HMG20A: variants seen among roughly 807,000 people sequenced by gnomAD.
HMG20A encodes the protein high mobility group protein 20A.
Under a neutral mutation model 43.9 loss-of-function variants are expected in HMG20A, and 17 were observed. That is an observed-to-expected ratio of 0.39 (90% CI 0.27 to 0.58). The LOEUF (loss-of-function observed/expected upper bound fraction) is 0.58. Among genes scored for constraint, HMG20A ranks in the 20% least tolerant of loss-of-function variants. The pLI, the probability that HMG20A is intolerant of heterozygous loss-of-function variation, is 0.59. For synonymous variants in HMG20A, 132 were observed against 147.5 expected (o/e 0.89, Z 0.76); for missense variants, 341 against 438.2 (o/e 0.78, Z 1.98).
intron 1 of HMG20A, among the ~76,000 whole-genome samples, chr15:77,445,254 C>G (rs2142301840): frequency 6.6e-6 from 1 of 152,262 alleles, no homozygotes; most frequent in African/African-American, 2.4e-5. Context: ...CTCACAGCTG[C>G]AGGTTTGAGC....
chr15:77,486,973 G>A (rs1463324091), downstream of HMG20A, among the ~76,000 whole-genome samples: 1 of 152,188 alleles, frequency 6.6e-6, no homozygotes, highest in Non-Finnish European at 1.5e-5. Flanking sequence ...CCAAAGTTGG[G>A]CAGTTAAAGG....
chr15:77,448,819 C>T (rs2073703870), intron 1 of HMG20A, among the ~76,000 whole-genome samples: 2 of 152,084 alleles, frequency 1.3e-5, no homozygotes, highest in South Asian at 2.1e-4. Flanking sequence ...CGCGGTGGCT[C>T]ACGCCTGTAA....
At chr15:77,449,108 C>T (rs577252419) in intron 1 of HMG20A, among the ~76,000 whole-genome samples, 1 of 151,980 alleles carries the variant, frequency 6.6e-6, no homozygotes, top group East Asian at 1.9e-4. Flanking sequence ...CCTGGACTAT[C>T]AATTTTAGGT....
chr15:77,518,335 G>A, the HMG20A span, among the ~76,000 whole-genome samples: 2 of 152,174 alleles, frequency 1.3e-5, no homozygotes, highest in African/African-American at 4.8e-5. Context: ...ATAAACACCA[G>A]TGGTCATTAT....
At chr15:77,439,503 C>T (rs1034306026) in intron 1 of HMG20A, among the ~76,000 whole-genome samples, 5 of 151,982 alleles carry the variant, frequency 3.3e-5, no homozygotes, top group Admixed American at 6.6e-5. Context: ...TATTTATTCT[C>T]GTGGGTCTGG....
In HMG20A at chr15:77,464,523, A is replaced by G. The variant is rs77489431; in HGVS notation, c.237+136A>G. The G allele has an allele frequency of 2.2e-3, 1,621 of 721,208 alleles. 22 individuals are homozygous for G. The African/African-American group carries it at 0.026, about 12-fold the overall frequency. The allele number at this position is 721,208 out of a possible 1,614,324, so 44.7% of individuals were successfully genotyped here. ...TGATACCTGCAAAATTTTGTTTTCT[A>G]TTTCTTGTTTTATACGGAACCATAT... On this transcript the variant is annotated intron_variant, in intron 3 of 9. Transcript: ENST00000336216.
intron 1 of HMG20A, among the ~76,000 whole-genome samples, chr15:77,454,055 A>G (rs966101551): frequency 1.3e-5 from 2 of 151,692 alleles, no homozygotes; most frequent in Non-Finnish European, 2.9e-5. Flanking sequence ...CTAGCTACTC[A>G]GGAGGCTGAG....
intron 8 of HMG20A, 116 bp downstream of exon 8, chr15:77,478,626 T>A (rs960112776): frequency 1.3e-6 from 1 of 753,020 alleles, no homozygotes; most frequent in Non-Finnish European, 2.2e-6. Flanking sequence ...AGAGGAAAAT[T>A]AATTAAACTA....
intron 1 of HMG20A, among the ~76,000 whole-genome samples, chr15:77,423,638 G>A (rs533334559): frequency 1.1e-4 from 16 of 152,146 alleles, no homozygotes; most frequent in African/African-American, 3.9e-4. Context: ...TATTAAAACC[G>A]TAGGTCACAA....
In HMG20A at chr15:77,464,331, C is replaced by T; in HGVS notation, c.181C>T (p.Leu61Phe). 9 of 1,613,894 alleles carry T rather than the reference C, an allele frequency of 5.6e-6. No individual in the cohort carries two copies. Among genetic ancestry groups the T allele is most frequent in the Non-Finnish European group, 7.6e-6 (9 of 1,179,840 alleles). Residue 61 changes from leucine (L) to phenylalanine (F), a missense_variant, in exon 3 of 10, where the codon CTT becomes TTT. Around this residue, in one of 3 missense-constraint regions of HMG20A, gnomAD observed 220 missense variants for 263.6 expected, o/e 0.83. Transcript: ENST00000336216. Reference protein sequence around the residue: ...FVEDLSQGQLLQSESSNAAEG... With the variant: ...FVEDLSQGQLFQSESSNAAEG... ...GGAGGATCTCTCTCAAGGTCAGTTG[C>T]TTCAGAGTGAGTCTTCAAATGCAGC...
intron 2 of HMG20A, chr15:77,458,698 A>G: frequency 2.4e-6 from 1 of 422,222 alleles, no homozygotes. Flanking sequence ...GGTTTTTGTG[A>G]ACTGGTACAA....
At chr15:77,423,145 T>C (rs181845719) in intron 1 of HMG20A, among the ~76,000 whole-genome samples, 4 of 152,170 alleles carry the variant, frequency 2.6e-5, no homozygotes, top group East Asian at 3.9e-4. Context: ...ATAAGAAAAA[T>C]TGTTGCAGCT....
intron 5 of HMG20A, among the ~76,000 whole-genome samples, chr15:77,471,553 G>A (rs1385139204): frequency 6.6e-6 from 1 of 152,170 alleles, no homozygotes; most frequent in Non-Finnish European, 1.5e-5. Flanking sequence ...TCTCCCTAAA[G>A]TTAAGAACTG....
At chr15:77,486,239 G>A (rs1020494209), downstream of HMG20A, among the ~76,000 whole-genome samples, 2 of 151,102 alleles carry the variant, frequency 1.3e-5, no homozygotes, top group Non-Finnish European at 2.9e-5. Flanking sequence ...TAGAAGAAAG[G>A]AGATGTGCTT....
chr15:77,516,590 C>T, the HMG20A span, among the ~76,000 whole-genome samples: 2 of 152,192 alleles, frequency 1.3e-5, no homozygotes, highest in African/African-American at 4.8e-5. Context: ...AGACCCTCCC[C>T]AAAAGACAAA....
At chr15:77,497,267 G>A in the HMG20A span, among the ~76,000 whole-genome samples, 18 of 152,264 alleles carry the variant, frequency 1.2e-4, no homozygotes, top group Admixed American at 1.2e-3. Flanking sequence ...CCGTTCCCGA[G>A]AAGGTGAGGA....
chr15:77,428,858 C>T (rs1161969618), intron 1 of HMG20A, among the ~76,000 whole-genome samples: 5 of 151,582 alleles, frequency 3.3e-5, no homozygotes, highest in Non-Finnish European at 7.4e-5. Context: ...CATAGCTACT[C>T]AGGAGGCTGA....
intron 9 of HMG20A, chr15:77,482,183 G>A (rs552694701): frequency 2.4e-4 from 36 of 152,230 alleles, no homozygotes; most frequent in African/African-American, 8.7e-4. Context: ...GGGGGAAGGG[G>A]AAAGCACTAA....
intron 1 of HMG20A, among the ~76,000 whole-genome samples, chr15:77,442,753 G>C (rs988094446): frequency 2.0e-5 from 3 of 152,138 alleles, no homozygotes; most frequent in African/African-American, 7.2e-5. Context: ...GCTGGACTTA[G>C]AAATCCTTCT....
Sources: allele counts gnomAD v4.1 joint callset (sites outside exome capture counted in the v4.1 genomes callset), GRCh38; gene constraint gnomAD v4.1.1; regional missense constraint gnomAD v4.1.1; transcripts MANE v1.5; gene names NCBI Gene and HGNC (gene_info 2026-07-23, HGNC 2026-07-21).